The following NPM1 variants were observed in gnomAD, a reference collection of about 807,000 sequenced individuals.
NPM1 encodes nucleophosmin.
In NPM1, 1 loss-of-function variant was observed where a neutral mutation model predicts 44.1. The ratio of observed to expected loss-of-function variants is 0.02; its 90% CI spans 0.01 to 0.11. NPM1 has a LOEUF of 0.11. NPM1 is among the 10% of genes least tolerant of loss of function. The pLI is 1.00. For synonymous variants in NPM1, 126 were observed against 111.8 expected (o/e 1.13, Z -0.80); for missense variants, 197 against 347.8 (o/e 0.57, Z 3.45).
At chr5:171,398,068 T>C (rs1771004503) in intron 6 of NPM1, among the ~76,000 whole-genome samples, 1 of 152,056 alleles carries the variant, frequency 6.6e-6, no homozygotes, top group Admixed American at 6.5e-5. Flanking sequence ...ATTACAGGCG[T>C]GAGCCACTGC....
chr5:171,387,767 C>T (rs548138598), upstream of NPM1: 3 of 641,490 alleles, frequency 4.7e-6, no homozygotes, highest in East Asian at 5.5e-5. Flanking sequence ...GGGAGGGCTT[C>T]GGAGCACGCG....
In NPM1 at chr5:171,400,135, T is replaced by C. The variant is rs749958663; in HGVS notation, c.525-18T>C. The C allele has an allele frequency of 2.1e-6, 3 of 1,451,456 alleles. No homozygotes were observed. Among genetic ancestry groups the C allele is most frequent in the Non-Finnish European group, 2.9e-6 (3 of 1,032,202 alleles). 89.9% of individuals were successfully genotyped at this position (1,451,456 alleles called of 1,614,324 possible). A position where few individuals can be genotyped will look rare whatever the true frequency, so the allele number is the denominator to read the frequency against. On this transcript the variant is annotated intron_variant, in intron 6 of 10. Transcript: ENST00000296930. ...CCAAATTTTGAAAGTGCTTAATGTC[T>C]TGACATTTCATTTGTAGTGATGATG...
chr5:171,397,930 C>T (rs1356006474), intron 6 of NPM1, among the ~76,000 whole-genome samples: 5 of 127,072 alleles, frequency 3.9e-5, no homozygotes, highest in African/African-American at 1.4e-4. Flanking sequence ...GTTGGGATTA[C>T]AGGCACCCCC....
intron 6 of NPM1, among the ~76,000 whole-genome samples, chr5:171,398,033 G>T (rs373332986): frequency 2.0e-5 from 3 of 151,802 alleles, no homozygotes; most frequent in Non-Finnish European, 4.4e-5. Context: ...GGTCAGGCCC[G>T]CCTCGGCCTC....
In NPM1 at chr5:171,404,896, A is replaced by G. The variant is rs557097900; in HGVS notation, c.670-406A>G. On this transcript the variant is annotated intron_variant, in intron 8 of 10. Coordinates refer to ENST00000296930, the MANE Select transcript of NPM1 (RefSeq NM_002520.7). ...TGTCTGCCCTGATTTCCTTTTTTGAACTGACTTAGTACTGTGCATAAAAGC... is the reference window on the plus strand; with the variant it reads ...TGTCTGCCCTGATTTCCTTTTTTGAGCTGACTTAGTACTGTGCATAAAAGC... 1.6e-4 allele frequency among the ~76,000 whole-genome samples: 25 copies of G among 151,936 alleles called. No homozygotes were observed. The South Asian group carries it at 5.0e-3, about 30-fold the overall frequency.
chr5:171,392,684 A>G, intron 4 of NPM1, 26 bp from the exon 5 acceptor site: 1 of 1,486,142 alleles, frequency 6.7e-7, no homozygotes, highest in Non-Finnish European at 9.2e-7. Context: ...CTTGAGTTTT[A>G]TAATGTCTAA....
At position 171,410,487 on chromosome 5, in the gene NPM1, T is replaced by C; in HGVS notation, c.847-40T>C. ...TTAATTTATTGATGTCTATGAAGTG[T>C]TGTGGTTCCTTAACCACATTTCTTT... On this transcript the variant is annotated intron_variant, in intron 10 of 10. Coordinates refer to ENST00000296930, the MANE Select transcript of NPM1 (RefSeq NM_002520.7). 3 of 1,334,368 alleles carry C rather than the reference T, an allele frequency of 2.2e-6. No individual in the cohort carries two copies. The Admixed American group carries it at 6.1e-5, about 27-fold the overall frequency. 82.7% of individuals were successfully genotyped at this position (1,334,368 alleles called of 1,614,324 possible).
intron 10 of NPM1, 99 bp downstream of exon 10, chr5:171,407,873 G>A (rs1042697614): frequency 9.9e-6 from 7 of 707,066 alleles, no homozygotes; most frequent in African/African-American, 9.1e-5. Context: ...TTTTTAAAAA[G>A]TTCCTAACCA....
intron 9 of NPM1, chr5:171,407,367 T>C (rs72829765): frequency 0.024 from 7,083 of 294,184 alleles, 120 homozygotes; most frequent in Non-Finnish European, 0.031. Flanking sequence ...TATTTGGTTC[T>C]GGGTGATAAC....
At chr5:171,401,701 C>CA (rs1310427132) in intron 8 of NPM1, among the ~76,000 whole-genome samples, 1 of 152,200 alleles carries the variant, frequency 6.6e-6, no homozygotes, top group Non-Finnish European at 1.5e-5. Flanking sequence ...CTGGGCCTCT[C>CA]AAAGTGTGTG....
chr5:171,396,111 C>G (rs1392199992), intron 6 of NPM1, among the ~76,000 whole-genome samples: 1 of 152,010 alleles, frequency 6.6e-6, no homozygotes, highest in Non-Finnish European at 1.5e-5. Context: ...TCCCAAGTAG[C>G]TGGGATTACA....
At chr5:171,392,119 T>G (rs934644222) in intron 4 of NPM1, among the ~76,000 whole-genome samples, 1 of 152,060 alleles carries the variant, frequency 6.6e-6, no homozygotes, top group Admixed American at 6.6e-5. Flanking sequence ...TTCATAGTTA[T>G]AGTAGAGAAG....
At chr5:171,393,048 A>T (rs1770672184) in intron 6 of NPM1, 70 bp downstream of exon 6, 1 of 1,535,842 alleles carries the variant, frequency 6.5e-7, no homozygotes, top group Non-Finnish European at 8.8e-7. Context: ...ACATAGTTAT[A>T]TGCATGAGGG....
At chr5:171,403,132 TC>T (rs1346722516) in intron 8 of NPM1, among the ~76,000 whole-genome samples, 1 of 107,250 alleles carries the variant, frequency 9.3e-6, no homozygotes, top group Non-Finnish European at 1.9e-5. Flanking sequence ...TCTCTGGTTT[TC>T]CTAGGCAGAG....
intron 3 of NPM1, 123 bp from the exon 4 acceptor site, chr5:171,391,583 C>A: frequency 8.8e-7 from 1 of 1,131,838 alleles, no homozygotes; most frequent in Non-Finnish European, 1.3e-6. Flanking sequence ...GCTTCTGCTG[C>A]TACTTTTATC....
Position 171,391,406 on chromosome 5 carries a change from A to G in NPM1, c.240A>G (p.Lys80=). 6.2e-7 allele frequency: 1 copy of G among 1,608,608 alleles called. No homozygotes were observed. The highest frequency in any genetic ancestry group is 1.1e-5 in the South Asian group (1 of 91,068). Residue 80 remains lysine (K), a synonymous_variant, in exon 3 of 11, where the codon AAA becomes AAG. Transcript: ENST00000296930. ...SPIKVTLATL[K]MSVQPTVSLG... The stretch of plus-strand genomic sequence containing the variant: ...TTAAAGTAACACTGGCAACTTTGAA[A>G]ATGTCTGTACAGCCAACGGTAAGGG...
chr5:171,393,044 TTA>T (rs1347587256), intron 6 of NPM1, 66 bp downstream of exon 6: 1 of 1,544,314 alleles, frequency 6.5e-7, no homozygotes, highest in African/African-American at 1.4e-5. Context: ...TTTGACATAG[TTA>T]TATGCATGAG....
chr5:171,391,013 A>AGCCCG (rs1770550186), intron 2 of NPM1: 1 of 214,046 alleles, frequency 4.7e-6, no homozygotes, highest in Non-Finnish European at 9.3e-6. Context: ...TGAGCCACCA[A>AGCCCG]GCCCGGCCCT....
Position 171,392,961 on chromosome 5 carries a change from A to T in NPM1, c.507A>T (p.Glu169Asp), listed in dbSNP as rs767945148. 89 of 1,609,370 alleles carry T rather than the reference A, an allele frequency of 5.5e-5. No individual in the cohort carries two copies. Among genetic ancestry groups the T allele is most frequent in the Non-Finnish European group, 7.1e-5 (84 of 1,175,980 alleles). ...ATGAAGATGATGACGATGATGATGA[A>T]GAGGATGATGATGAAGAGTAAGTAT... Reference protein sequence around the residue: ...AADEDDDDDDEEDDDEDDDDD... With the variant: ...AADEDDDDDDDEDDDEDDDDD... Residue 169 changes from glutamate to aspartate, a missense_variant, in exon 6 of 11, where the codon GAA (glutamate) becomes GAT (aspartate). This residue lies in a region of NPM1 where 91 missense variants were observed against 94.0 expected (regional missense o/e 0.97). Transcript: ENST00000296930.
Sources: gnomAD v4.1 joint callset for allele counts (sites outside exome capture counted in the v4.1 genomes callset) on GRCh38, gnomAD v4.1.1 for gene constraint, gnomAD v4.1.1 regional missense constraint, MANE v1.5 for transcripts, NCBI Gene and HGNC (gene_info 2026-07-23, HGNC 2026-07-21) for gene names.